SESTD1: variants seen among roughly 807,000 people sequenced by gnomAD.
SESTD1 encodes SEC14 domain and spectrin repeat-containing protein 1.
SESTD1 carries 43 observed loss-of-function variants against 101.7 expected under a neutral mutation model. That is an observed-to-expected ratio of 0.42 (90% CI 0.33 to 0.55). The LOEUF is 0.55. SESTD1 is among the 20% of genes least tolerant of loss of function. The pLI, the probability that SESTD1 is intolerant of heterozygous loss-of-function variation, is 0.07. For missense variants in SESTD1, 647 were observed against 815.1 expected (o/e 0.79, Z 2.51); for synonymous variants, 283 against 286.8 (o/e 0.99, Z 0.13).
chr2:179,173,288 A>G (rs2045956476), intron 4 of SESTD1, among the ~76,000 whole-genome samples: 1 of 151,896 alleles, frequency 6.6e-6, no homozygotes. Flanking sequence ...AGTCTCTTTC[A>G]CTGCTGTATT....
chr2:179,163,222 T>C (rs1304699314), intron 5 of SESTD1, among the ~76,000 whole-genome samples: 1 of 152,114 alleles, frequency 6.6e-6, no homozygotes, highest in Middle Eastern at 3.2e-3. Context: ...TATCAATGAA[T>C]TGAATAATGT....
intron 9 of SESTD1, among the ~76,000 whole-genome samples, chr2:179,134,102 T>C (rs1040414295): frequency 1.3e-5 from 2 of 152,204 alleles, no homozygotes; most frequent in Non-Finnish European, 2.9e-5. Flanking sequence ...TTGAACATCT[T>C]TGATCTTGGT....
chr2:179,244,352 G>A (rs956899351), intron 1 of SESTD1, among the ~76,000 whole-genome samples: 3 of 151,792 alleles, frequency 2.0e-5, no homozygotes, highest in African/African-American at 4.8e-5. Flanking sequence ...CTAGCTACTC[G>A]GGAGGCTGAG....
chr2:179,117,749 T>C, intron 13 of SESTD1, 136 bp from the exon 14 acceptor site: 2 of 590,276 alleles, frequency 3.4e-6, no homozygotes, highest in Non-Finnish European at 5.5e-6. Flanking sequence ...AAGTATTTTG[T>C]ATTGATTTGT....
chr2:179,199,560 A>C (rs2046468063), intron 1 of SESTD1, among the ~76,000 whole-genome samples: 1 of 152,184 alleles, frequency 6.6e-6, no homozygotes, highest in Admixed American at 6.5e-5. Flanking sequence ...TCCTCAATAA[A>C]ATACTGGCAA....
chr2:179,219,732 A>C (rs1185790324), intron 1 of SESTD1, among the ~76,000 whole-genome samples: 1 of 152,208 alleles, frequency 6.6e-6, no homozygotes, highest in African/African-American at 2.4e-5. Context: ...GTGTTATTGC[A>C]GGTGCCAGTG....
rs572495496 is a variant in SESTD1, at chr2:179,243,856, T to G, written c.-26+20643A>C. Among the ~76,000 whole-genome samples the G allele has an allele frequency of 2.0e-5, 3 of 151,738 alleles. No homozygotes were observed. In the East Asian group the frequency reaches 5.8e-4, roughly 29 times the overall value. ...CATTCATACCCTAACTTCAGCATCA[T>G]GCACTACACCCATGTAACAAACTAC... On this transcript the variant is annotated intron_variant, in intron 1 of 17. Coordinates refer to ENST00000428443, the MANE Select transcript of SESTD1 (RefSeq NM_178123.5).
intron 1 of SESTD1, among the ~76,000 whole-genome samples, chr2:179,223,244 A>G (rs2046838354): frequency 6.6e-6 from 1 of 152,170 alleles, no homozygotes; most frequent in African/African-American, 2.4e-5. Context: ...CCAAACAGAA[A>G]GAAAGTAGTA....
chr2:179,143,524 T>G (rs1288711918), intron 9 of SESTD1, 68 bp downstream of exon 9: 4 of 1,392,224 alleles, frequency 2.9e-6, no homozygotes, highest in Admixed American at 3.5e-5. Flanking sequence ...TAAGACTTAA[T>G]AGTCAGTCAC....
At chr2:179,206,854 G>A (rs1397970137) in intron 1 of SESTD1, among the ~76,000 whole-genome samples, 1 of 134,076 alleles carries the variant, frequency 7.5e-6, no homozygotes, top group East Asian at 2.0e-4. Context: ...CAAACTCAGT[G>A]TGGTTGGTGG....
intron 16 of SESTD1, among the ~76,000 whole-genome samples, chr2:179,113,262 G>C (rs372864139): frequency 1.4e-3 from 209 of 152,258 alleles, no homozygotes; most frequent in African/African-American, 5.0e-3. Flanking sequence ...TATAGACTGT[G>C]TTCTCAAAGA....
At chr2:179,135,098 C>T (rs1327983516) in intron 9 of SESTD1, among the ~76,000 whole-genome samples, 1 of 152,014 alleles carries the variant, frequency 6.6e-6, no homozygotes, top group Non-Finnish European at 1.5e-5. Context: ...GCGCCCGCCA[C>T]CACACCTGGC....
chr2:179,217,431 TACC>T (rs1383706137), intron 1 of SESTD1, among the ~76,000 whole-genome samples: 2 of 152,224 alleles, frequency 1.3e-5, no homozygotes, highest in East Asian at 3.8e-4. Context: ...CACAGTGAGA[TACC>T]ATCTCACGCC....
At chr2:179,157,918 T>G (rs1298529910) in intron 5 of SESTD1, among the ~76,000 whole-genome samples, 1 of 152,196 alleles carries the variant, frequency 6.6e-6, no homozygotes, top group Admixed American at 6.5e-5. Context: ...TTTTCTGCTT[T>G]GTTCTAAGGC....
chr2:179,129,244 A>G (rs553729676), intron 10 of SESTD1, among the ~76,000 whole-genome samples: 1 of 152,354 alleles, frequency 6.6e-6, no homozygotes, highest in Non-Finnish European at 1.5e-5. Flanking sequence ...AGTTTCAGAT[A>G]TTTATGCTCC....
chr2:179,226,299 A>G (rs1324503806), intron 1 of SESTD1, among the ~76,000 whole-genome samples: 2 of 152,246 alleles, frequency 1.3e-5, no homozygotes, highest in Non-Finnish European at 2.9e-5. Flanking sequence ...CTGAGAAGAC[A>G]GGAGACCAAT....
Position 179,261,271 on chromosome 2 carries a change from T to G in SESTD1, c.-26+3228A>C, listed in dbSNP as rs186555032. Among the ~76,000 whole-genome samples the G allele has an allele frequency of 2.0e-5, 3 of 152,312 alleles. No homozygotes were observed. The East Asian group carries it at 5.8e-4, about 29-fold the overall frequency. Reference sequence around the variant, plus strand: ...ACCTTATGGTTTGTTATTGTTTGGTTTGATTTTTTTTATTTTTCCCTCACT... The same window carrying G: ...ACCTTATGGTTTGTTATTGTTTGGTGTGATTTTTTTTATTTTTCCCTCACT... On this transcript the variant is annotated intron_variant, in intron 1 of 17. Transcript: ENST00000428443.
chr2:179,189,972 C>A (rs1004146042), intron 2 of SESTD1, among the ~76,000 whole-genome samples: 1 of 151,914 alleles, frequency 6.6e-6, no homozygotes, highest in Non-Finnish European at 1.5e-5. Context: ...TTAAAATGGC[C>A]ATACAGCCCA....
intron 10 of SESTD1, among the ~76,000 whole-genome samples, chr2:179,129,968 C>T (rs1283788989): frequency 6.6e-6 from 1 of 152,140 alleles, no homozygotes; most frequent in African/African-American, 2.4e-5. Flanking sequence ...CATACACTCC[C>T]ATCCATTCAA....
Sources: allele counts gnomAD v4.1 joint callset (sites outside exome capture counted in the v4.1 genomes callset), GRCh38; gene constraint gnomAD v4.1.1; transcripts MANE v1.5; gene names NCBI Gene and HGNC (gene_info 2026-07-23, HGNC 2026-07-21).